The following TENM2 variants were observed in gnomAD, a reference collection of about 807,000 sequenced individuals.
TENM2 encodes teneurin-2.
Under a neutral mutation model 245.2 loss-of-function variants are expected in TENM2, and 52 were observed. The ratio of observed to expected loss-of-function variants is 0.21; its 90% CI spans 0.17 to 0.27. TENM2 has a LOEUF of 0.27. Ranked by LOEUF, TENM2 falls within the 10% of genes least tolerant of loss-of-function variation. TENM2 has a pLI of 1.00. For missense variants in TENM2, 3,046 were observed against 3,666.8 expected (o/e 0.83, Z 4.37); for synonymous variants, 1,363 against 1,438.9 (o/e 0.95, Z 1.19).
At chr5:167,271,879 C>T in the TENM2 span, among the ~76,000 whole-genome samples, 10 of 152,220 alleles carry the variant, frequency 6.6e-5, no homozygotes, top group African/African-American at 1.2e-4. Context: ...GAACAGGAAG[C>T]GAATTTCCTT....
chr5:168,144,539 C>T (rs1755868042), intron 12 of TENM2, among the ~76,000 whole-genome samples: 2 of 151,688 alleles, frequency 1.3e-5, no homozygotes, highest in South Asian at 2.1e-4. Context: ...CATAGTATTC[C>T]ATGGTGTATA....
At chr5:167,752,851 T>A (rs1478152158) in intron 2 of TENM2, among the ~76,000 whole-genome samples, 1 of 152,220 alleles carries the variant, frequency 6.6e-6, no homozygotes, top group Non-Finnish European at 1.5e-5. Context: ...TTTTACAGGT[T>A]TAGCCTAGCA....
the TENM2 span, among the ~76,000 whole-genome samples, chr5:166,988,150 C>T: frequency 1.3e-5 from 2 of 152,184 alleles, no homozygotes; most frequent in African/African-American, 2.4e-5. Context: ...GCAGCTCTGA[C>T]TTTTGATATC....
chr5:168,109,612 T>C (rs1794512354), intron 9 of TENM2, among the ~76,000 whole-genome samples: 1 of 152,220 alleles, frequency 6.6e-6, no homozygotes, highest in Non-Finnish European at 1.5e-5. Flanking sequence ...TCTGGGGTAC[T>C]AGCATCAGGA....
chr5:167,640,260 A>G (rs1263525275), intron 2 of TENM2, among the ~76,000 whole-genome samples: 2 of 152,186 alleles, frequency 1.3e-5, no homozygotes, highest in Non-Finnish European at 2.9e-5. Flanking sequence ...GATAGTAGTC[A>G]TATACTAGCT....
intron 3 of TENM2, among the ~76,000 whole-genome samples, chr5:167,920,511 T>TCCG (rs1357949753): frequency 2.2e-5 from 2 of 90,690 alleles, no homozygotes; most frequent in East Asian, 7.2e-4. Context: ...AGAGCGAAAC[T>TCCG]CCATCACACA....
At chr5:167,084,365 A>ATATATATATG in the TENM2 span, among the ~76,000 whole-genome samples, 20 of 122,476 alleles carry the variant, frequency 1.6e-4, no homozygotes, top group African/African-American at 6.1e-4. Context: ...ATATATATAT[A>ATATATATATG]TACAGATCAG....
At position 167,478,136 on chromosome 5, in the gene TENM2, C is replaced by T. The variant is rs536569689; in HGVS notation, c.502+102663C>T. Among the ~76,000 whole-genome samples the T allele has an allele frequency of 1.1e-4, 17 of 152,266 alleles. No homozygotes were observed. The South Asian group carries it at 1.5e-3, about 13-fold the overall frequency. On this transcript the variant is annotated intron_variant, in intron 2 of 28. Transcript: ENST00000518659. ...AAGTTGCAGTGTGGTTCTTGTATAT[C>T]GTTGAAGGACTGAAACAAACAAGGC...
chr5:168,054,936 C>CA (rs1251168314), intron 6 of TENM2, among the ~76,000 whole-genome samples: 8 of 152,118 alleles, frequency 5.3e-5, no homozygotes, highest in Admixed American at 5.2e-4. Context: ...CTTCTTAGGG[C>CA]AAAATGATCA....
chr5:166,993,296 G>A, the TENM2 span, among the ~76,000 whole-genome samples: 1 of 152,100 alleles, frequency 6.6e-6, no homozygotes, highest in African/African-American at 2.4e-5. Flanking sequence ...GAGCTCCAGT[G>A]TCCTGTGTGC....
At chr5:167,543,160 C>G (rs1340913693) in intron 2 of TENM2, among the ~76,000 whole-genome samples, 1 of 152,118 alleles carries the variant, frequency 6.6e-6, no homozygotes, top group Non-Finnish European at 1.5e-5. Context: ...TAAGCACTTC[C>G]GTTTAGAGAG....
chr5:167,900,212 G>C (rs569964313), intron 3 of TENM2, among the ~76,000 whole-genome samples: 4 of 150,616 alleles, frequency 2.7e-5, no homozygotes, highest in African/African-American at 9.8e-5. Flanking sequence ...TTTCCCTTTG[G>C]TGCATTAGGA....
At chr5:167,701,366 G>T (rs1758130875) in intron 2 of TENM2, among the ~76,000 whole-genome samples, 3 of 151,074 alleles carry the variant, frequency 2.0e-5, no homozygotes, top group African/African-American at 7.3e-5. Context: ...TGTGATGTTG[G>T]CATTATCGTC....
intron 25 of TENM2, 78 bp downstream of exon 27, chr5:168,228,208 C>G: frequency 8.2e-7 from 1 of 1,219,240 alleles, no homozygotes; most frequent in Non-Finnish European, 1.2e-6. Context: ...GAAAGTTTCT[C>G]TGTTACCACA....
chr5:167,056,571 G>GTATCTATATAAATATA, the TENM2 span, among the ~76,000 whole-genome samples: 4 of 101,748 alleles, frequency 3.9e-5, no homozygotes, highest in African/African-American at 9.7e-5. Context: ...ATATAAATAT[G>GTATCTATATAAATATA]TATCTATATA....
intron 3 of TENM2, among the ~76,000 whole-genome samples, chr5:167,924,188 G>A (rs1777577223): frequency 1.3e-5 from 2 of 152,190 alleles, no homozygotes; most frequent in South Asian, 2.1e-4. Flanking sequence ...TTGTCTTCAT[G>A]CATATTCCTT....
At chr5:167,312,223 G>A (rs1756075457) in intron 1 of TENM2, among the ~76,000 whole-genome samples, 1 of 152,084 alleles carries the variant, frequency 6.6e-6, no homozygotes, top group Admixed American at 6.5e-5. Flanking sequence ...ATATATTTGT[G>A]TTCATGAACA....
chr5:167,665,804 T>C lies in TENM2; in HGVS notation c.503-210182T>C, dbSNP rs191028492. On this transcript the variant is annotated intron_variant, in intron 2 of 28. Coordinates refer to ENST00000518659, the Ensembl canonical transcript of TENM2. ...GGAAAGTGGCCTCTCCACTCTTTCT[T>C]AAATGTCCCATTCTGCCTCGACATT... 2.4e-4 allele frequency among the ~76,000 whole-genome samples: 36 copies of C among 152,358 alleles called. No individual in the cohort carries two copies. In the East Asian group the frequency reaches 6.9e-3, roughly 29 times the overall value.
intron 22 of TENM2, among the ~76,000 whole-genome samples, chr5:168,217,784 T>C (rs1343685309): frequency 6.6e-6 from 1 of 152,138 alleles, no homozygotes; most frequent in African/African-American, 2.4e-5. Flanking sequence ...CTGGATGGCA[T>C]GGTCTCTTGT....
Sources: gnomAD v4.1 joint callset for allele counts (sites outside exome capture counted in the v4.1 genomes callset) on GRCh38, gnomAD v4.1.1 for gene constraint, MANE v1.5 for transcripts, NCBI Gene and HGNC (gene_info 2026-07-23, HGNC 2026-07-21) for gene names.